The following CYFIP1 variants were observed in gnomAD, a reference collection of about 807,000 sequenced individuals.
The protein encoded by CYFIP1 is cytoplasmic FMR1-interacting protein 1.
CYFIP1 carries 58 observed loss-of-function variants against 163.5 expected under a neutral mutation model. The observed-to-expected ratio is 0.35, with a 90% confidence interval of 0.29 to 0.44. CYFIP1 has a LOEUF of 0.44. Ranked by LOEUF, CYFIP1 falls within the 20% of genes least tolerant of loss-of-function variation. CYFIP1 has a pLI of 1.00. For missense variants in CYFIP1, 1,338 were observed against 1,653.8 expected (o/e 0.81, Z 3.31); for synonymous variants, 663 against 660.7 (o/e 1.00, Z -0.05).
At chr15:22,891,599 C>T (rs2060084147) in intron 23 of CYFIP1, among the ~76,000 whole-genome samples, 1 of 152,214 alleles carries the variant, frequency 6.6e-6, no homozygotes, top group Admixed American at 6.5e-5. Context: ...CGTAAAAAGG[C>T]CGCCCCCGGC....
intron 6 of CYFIP1, among the ~76,000 whole-genome samples, chr15:22,941,826 C>CA (rs1567006860): frequency 1.3e-5 from 2 of 151,992 alleles, no homozygotes; most frequent in East Asian, 1.9e-4. Flanking sequence ...AAAACAACAA[C>CA]ACACACACAC....
intron 22 of CYFIP1, among the ~76,000 whole-genome samples, chr15:22,894,244 G>C (rs1335045104): frequency 6.7e-6 from 1 of 150,042 alleles, no homozygotes; most frequent in Non-Finnish European, 1.5e-5. Flanking sequence ...CCAAGCGCCA[G>C]GATATGATGC....
chr15:22,924,655 CTGTGAA>C (rs1239211671), intron 13 of CYFIP1, among the ~76,000 whole-genome samples: 2 of 152,026 alleles, frequency 1.3e-5, no homozygotes, highest in Non-Finnish European at 2.9e-5. Flanking sequence ...CTGTACAACT[CTGTGAA>C]TGTGCTGAAA....
At chr15:22,972,273 T>C (rs1384753085) in intron 1 of CYFIP1, among the ~76,000 whole-genome samples, 1 of 151,890 alleles carries the variant, frequency 6.6e-6, no homozygotes, top group Non-Finnish European at 1.5e-5. Flanking sequence ...CCGTCTCTGC[T>C]AAAAACAAAA....
rs895706945 is a variant in CYFIP1 at position 22,917,311 on chromosome 15, C to G, written c.1674+477G>C. ...ACAGACGCAGCGGTGTGGATTAAAC[C>G]GGGTGTGAAAGTCGTGAGAAGCACC... On this transcript the variant is annotated intron_variant, in intron 15 of 30. Coordinates refer to ENST00000617928, the MANE Select transcript of CYFIP1 (RefSeq NM_014608.6). This position sits in a 1 kb window ranked among gnomAD's most constrained non-coding sequence, Gnocchi z 4.2. 7.6e-7 allele frequency: 1 copy of G among 1,321,236 alleles called. No homozygotes were observed. 81.8% of individuals were successfully genotyped at this position (1,321,236 alleles called of 1,614,324 possible). A position where few individuals can be genotyped will look rare whatever the true frequency, so the allele number is the denominator to read the frequency against.
At chr15:22,886,783 C>G (rs969999051) in intron 23 of CYFIP1, among the ~76,000 whole-genome samples, 1 of 152,144 alleles carries the variant, frequency 6.6e-6, no homozygotes, top group African/African-American at 2.4e-5. Flanking sequence ...AACCTACACA[C>G]GTCAGTTAGA....
intron 23 of CYFIP1, among the ~76,000 whole-genome samples, chr15:22,888,050 A>G (rs1410818909): frequency 1.3e-5 from 2 of 152,220 alleles, no homozygotes; most frequent in Non-Finnish European, 2.9e-5. Context: ...AATGTGCTCA[A>G]AAGGGTGTCT....
At chr15:22,923,187 G>A (rs955142019) in intron 13 of CYFIP1, among the ~76,000 whole-genome samples, 1 of 152,056 alleles carries the variant, frequency 6.6e-6, no homozygotes, top group Non-Finnish European at 1.5e-5. Flanking sequence ...GACAATCATA[G>A]AATGGGAGAA....
rs776710769 is a variant in CYFIP1, at chr15:22,903,694, G to C, written c.2588+12C>G. Reference sequence around the variant, plus strand: ...CCTCGCCTGTGGGCGCCTGTGTGGCGGGCACGCTCACCGGTTGGTAGAGCC... The same window carrying C: ...CCTCGCCTGTGGGCGCCTGTGTGGCCGGCACGCTCACCGGTTGGTAGAGCC... On this transcript the variant is annotated intron_variant, in intron 22 of 30. Transcript: ENST00000617928. 1 of 1,613,106 alleles carries C rather than the reference G, an allele frequency of 6.2e-7. No individual in the cohort carries two copies. The highest frequency in any genetic ancestry group is 8.5e-7 in the Non-Finnish European group (1 of 1,179,946).
chr15:22,952,992 CAG>C (rs1391368849), intron 1 of CYFIP1, among the ~76,000 whole-genome samples: 3 of 152,218 alleles, frequency 2.0e-5, no homozygotes, highest in Admixed American at 2.0e-4. Flanking sequence ...TGATCATAGG[CAG>C]CCCTCCCACA....
At chr15:22,960,136 A>T (rs2062626335) in intron 1 of CYFIP1, among the ~76,000 whole-genome samples, 1 of 152,156 alleles carries the variant, frequency 6.6e-6, no homozygotes, top group Non-Finnish European at 1.5e-5. Flanking sequence ...CCGTGGGCAG[A>T]GTGTCTCCTG....
At chr15:22,922,849 G>T (rs919116715) in intron 13 of CYFIP1, among the ~76,000 whole-genome samples, 1 of 152,054 alleles carries the variant, frequency 6.6e-6, no homozygotes, top group Non-Finnish European at 1.5e-5. Context: ...AAAATTAGCT[G>T]GGTGTGGTGG....
Position 22,917,757 on chromosome 15 carries a change from AG to A in CYFIP1, c.1674+30del, listed in dbSNP as rs3217548. ...GCTCAGGGTGGGTCCCCCCAGGGAG[AG>A]GGTGCAGGCGGGGCTCAAGGGACGA... On this transcript the variant is annotated intron_variant, in intron 15 of 30. Coordinates refer to ENST00000617928, the MANE Select transcript of CYFIP1 (RefSeq NM_014608.6). The surrounding 1 kb of genome is among the most constrained non-coding windows in gnomAD (Gnocchi z 4.2). 950,779 of 1,564,496 alleles carry A rather than the reference AG, an allele frequency of 0.61. 293,342 individuals are homozygous for A. Among genetic ancestry groups the A allele is most frequent in the Middle Eastern group, 0.71 (3,592 of 5,084 alleles).
At chr15:22,896,795 G>T (rs1005981488) in intron 22 of CYFIP1, among the ~76,000 whole-genome samples, 2 of 152,114 alleles carry the variant, frequency 1.3e-5, no homozygotes, top group Admixed American at 6.6e-5. Context: ...TTTGTACAGA[G>T]TGATTTTTCT....
At position 22,868,259 on chromosome 15, in the gene CYFIP1, C is replaced by T. The variant is rs756712145; in HGVS notation, c.*1769G>A. On this transcript the variant is annotated 3_prime_UTR_variant, in exon 31 of 31. Transcript: ENST00000617928. The stretch of plus-strand genomic sequence containing the variant: ...CCATTTTAATACTACAGATGTACTA[C>T]GTATCTGTTTATATACTGTACCTAC... 1 of 151,782 alleles carries T rather than the reference C, an allele frequency of 6.6e-6. No individual in the cohort carries two copies. The highest frequency in any genetic ancestry group is 1.9e-4 in the East Asian group (1 of 5,192). 9.4% of individuals were successfully genotyped at this position (151,782 alleles called of 1,614,324 possible).
In CYFIP1 at chr15:22,917,686, C is replaced by T. The variant is rs140402738; in HGVS notation, c.1674+102G>A. 14,757 of 1,348,916 alleles carry T rather than the reference C, an allele frequency of 0.011. 119 individuals carry two copies. Among genetic ancestry groups the T allele is most frequent in the Middle Eastern group, 0.014 (53 of 3,704 alleles). 83.6% of individuals were successfully genotyped at this position (1,348,916 alleles called of 1,614,324 possible). ...CCACTTTCTCTGCCTGAGCAGGCAG[C>T]GAGGACCTCATTTAACCCGGGCCTC... On this transcript the variant is annotated intron_variant, in intron 15 of 30. Transcript: ENST00000617928. The surrounding 1 kb of genome is among the most constrained non-coding windows in gnomAD (Gnocchi z 4.2).
At chr15:22,940,761 C>T (rs939543637) in intron 6 of CYFIP1, among the ~76,000 whole-genome samples, 6 of 152,284 alleles carry the variant, frequency 3.9e-5, no homozygotes, top group Middle Eastern at 6.8e-3. Context: ...GTTTCCAGGG[C>T]GGGGCATGGT....
At chr15:22,980,213 C>T (rs150569701) in intron 1 of CYFIP1, 74 bp downstream of exon 1, 25,227 of 147,780 alleles carry the variant, frequency 0.17, 2,252 homozygotes, top group Non-Finnish European at 0.19. Flanking sequence ...GCCGCCCTGG[C>T]CGGCCCAGGT....
intron 1 of CYFIP1, among the ~76,000 whole-genome samples, chr15:22,974,869 T>C (rs2063212898): frequency 6.6e-6 from 1 of 152,150 alleles, no homozygotes; most frequent in African/African-American, 2.4e-5. Flanking sequence ...CTTTTTCCAG[T>C]AAAAGTTACA....
Sources: allele counts gnomAD v4.1 joint callset (sites outside exome capture counted in the v4.1 genomes callset), GRCh38; gene constraint gnomAD v4.1.1; non-coding constraint Gnocchi (gnomAD v3.1); transcripts MANE v1.5; gene names NCBI Gene and HGNC (gene_info 2026-07-23, HGNC 2026-07-21).